ARFGEF3: variants seen among roughly 807,000 people sequenced by gnomAD.
The protein encoded by ARFGEF3 is brefeldin A-inhibited guanine nucleotide-exchange protein 3.
Under a neutral mutation model 221.7 loss-of-function variants are expected in ARFGEF3, and 96 were observed. That is an observed-to-expected ratio of 0.43 (90% CI 0.37 to 0.51). The LOEUF (loss-of-function observed/expected upper bound fraction) is 0.51, where lower values mean the gene tolerates loss of function less well. ARFGEF3 is among the 20% of genes least tolerant of loss of function. ARFGEF3 has a pLI of 0.00. For missense variants in ARFGEF3, 2,410 were observed against 2,789.9 expected (o/e 0.86, Z 3.07); for synonymous variants, 1,145 against 1,126.8 (o/e 1.02, Z -0.32).
intron 13 of ARFGEF3, 128 bp downstream of exon 13, chr6:138,278,745 GC>G: frequency 1.1e-6 from 1 of 941,282 alleles, no homozygotes; most frequent in Non-Finnish European, 1.6e-6. Context: ...GGTTGGTAAT[GC>G]CAGTGGGACT....
At chr6:138,244,026 TA>T (rs1198479008) in intron 7 of ARFGEF3, among the ~76,000 whole-genome samples, 2 of 151,988 alleles carry the variant, frequency 1.3e-5, no homozygotes, top group Non-Finnish European at 2.9e-5. Flanking sequence ...TTTTATAAAC[TA>T]AAAAAAGGGG....
At chr6:138,236,275 G>A (rs992995757) in intron 5 of ARFGEF3, among the ~76,000 whole-genome samples, 4 of 152,072 alleles carry the variant, frequency 2.6e-5, no homozygotes, top group Non-Finnish European at 4.4e-5. Context: ...ATTTAAAATG[G>A]CAGAGCTTAT....
chr6:138,179,681 A>T (rs1408768208), intron 2 of ARFGEF3, among the ~76,000 whole-genome samples: 1 of 152,200 alleles, frequency 6.6e-6, no homozygotes, highest in Non-Finnish European at 1.5e-5. Flanking sequence ...ACCATCCATA[A>T]CAGCTTCCCA....
chr6:138,251,294 C>CAG (rs1778578126), intron 8 of ARFGEF3, among the ~76,000 whole-genome samples: 4 of 152,124 alleles, frequency 2.6e-5, no homozygotes, highest in Non-Finnish European at 5.9e-5. Context: ...TTTTGTGATG[C>CAG]TAGACTGACA....
chr6:138,327,864 C>T (rs1217363691), intron 31 of ARFGEF3, among the ~76,000 whole-genome samples, 157 bp from the exon 32 acceptor site: 3 of 152,164 alleles, frequency 2.0e-5, no homozygotes, highest in African/African-American at 7.2e-5. Context: ...GTAATACACA[C>T]ATATCAATTA....
At chr6:138,190,677 G>A (rs1267450547) in intron 2 of ARFGEF3, among the ~76,000 whole-genome samples, 1 of 152,206 alleles carries the variant, frequency 6.6e-6, no homozygotes, top group East Asian at 1.9e-4. Flanking sequence ...TTATAGCTGA[G>A]TGTGCGATTC....
At chr6:138,252,651 A>C (rs1483982940) in intron 8 of ARFGEF3, among the ~76,000 whole-genome samples, 1 of 152,206 alleles carries the variant, frequency 6.6e-6, no homozygotes, top group Non-Finnish European at 1.5e-5. Context: ...TGAACTGTTA[A>C]AGACACTAGA....
intron 2 of ARFGEF3, among the ~76,000 whole-genome samples, chr6:138,206,304 C>T (rs1423407951): frequency 6.8e-6 from 1 of 147,950 alleles, no homozygotes. Context: ...TTTTAATGCC[C>T]TTGTTTTCCC....
rs1780455975 is a variant in ARFGEF3, at chr6:138,342,969, A to T, written c.*6483A>T. 1 of 152,204 alleles carries T rather than the reference A, an allele frequency of 6.6e-6. No individual in the cohort carries two copies. Among genetic ancestry groups the T allele is most frequent in the Admixed American group, 6.5e-5 (1 of 15,274 alleles). The allele number at this position is 152,204 out of a possible 1,614,324, so 9.4% of individuals were successfully genotyped here. On this transcript the variant is annotated 3_prime_UTR_variant, in exon 34 of 34. Coordinates refer to ENST00000251691, the MANE Select transcript of ARFGEF3 (RefSeq NM_020340.5). ...GCCTGTTTTTGACTTTTCAGTAAAT[A>T]TGTTGTTTGTGCACATATCTACATG...
At chr6:138,244,799 C>T (rs1180019961) in intron 7 of ARFGEF3, among the ~76,000 whole-genome samples, 1 of 152,094 alleles carries the variant, frequency 6.6e-6, no homozygotes, top group African/African-American at 2.4e-5. Flanking sequence ...TCTGTGATAC[C>T]ATTCTAAACA....
chr6:138,257,481 C>T (rs77296140), intron 10 of ARFGEF3, among the ~76,000 whole-genome samples: 4,150 of 152,272 alleles, frequency 0.027, 74 homozygotes, highest in Non-Finnish European at 0.043. Flanking sequence ...GATGTTCCTC[C>T]TCATAGAAGT....
At position 138,268,365 on chromosome 6, in the gene ARFGEF3, T is replaced by C. The variant is rs1778935496; in HGVS notation, c.2128+4754T>C. Among the ~76,000 whole-genome samples, 3 of 152,228 alleles carry C rather than the reference T, an allele frequency of 2.0e-5. No homozygotes were observed. In the South Asian group the frequency reaches 6.2e-4, roughly 32 times the overall value. ...AAAAGCTTCAAACCTCACTTTGTCA[T>C]AAACGTCCATCAAGCCTTCATCCCT... On this transcript the variant is annotated intron_variant, in intron 12 of 33. Coordinates refer to ENST00000251691, the MANE Select transcript of ARFGEF3 (RefSeq NM_020340.5).
At chr6:138,335,560 A>G (rs75865592) in intron 33 of ARFGEF3, among the ~76,000 whole-genome samples, 1 of 151,008 alleles carries the variant, frequency 6.6e-6, no homozygotes, top group Non-Finnish European at 1.5e-5. Flanking sequence ...AAAAAAAAAA[A>G]TTAGCTGGGA....
chr6:138,324,064 C>T lies in ARFGEF3; in HGVS notation c.4911C>T (p.Ser1637=), dbSNP rs753970337. The T allele has an allele frequency of 1.7e-5, 27 of 1,613,762 alleles. No individual in the cohort carries two copies. Among genetic ancestry groups the T allele is most frequent in the African/African-American group, 2.7e-5 (2 of 74,920 alleles). Reference sequence around the variant, plus strand: ...TCCACAGCGGCACGGAGAGCTTCAGCGGGGAAGGCTGCCAGGTGCGAGTGG... The same window carrying T: ...TCCACAGCGGCACGGAGAGCTTCAGTGGGGAAGGCTGCCAGGTGCGAGTGG... The part of the protein sequence containing the change: ...GCFHSGTESF[S]GEGCQVRVAA... The change falls in exon 31 of 34, where the codon AGC becomes AGT. Residue 1637 remains serine (S), a synonymous_variant. Transcript: ENST00000251691.
intron 4 of ARFGEF3, among the ~76,000 whole-genome samples, chr6:138,212,697 T>TA (rs1777754527): frequency 1.3e-5 from 2 of 152,056 alleles, no homozygotes; most frequent in Admixed American, 1.3e-4. Flanking sequence ...TATGCAGCCA[T>TA]AAAAAAGGAT....
chr6:138,292,715 C>T (rs2114638304), intron 19 of ARFGEF3, among the ~76,000 whole-genome samples: 1 of 152,298 alleles, frequency 6.6e-6, no homozygotes, highest in African/African-American at 2.4e-5. Flanking sequence ...AGGAGCACTC[C>T]CTGGGCCAGG....
Position 138,298,590 on chromosome 6 carries a change from C to T in ARFGEF3, c.3649-16C>T, listed in dbSNP as rs1779565272. The T allele has an allele frequency of 1.9e-6, 3 of 1,606,680 alleles. No homozygotes were observed. Among genetic ancestry groups the T allele is most frequent in the Admixed American group, 1.7e-5 (1 of 59,364 alleles). Reference sequence around the variant, plus strand: ...TGCTGTCCTGATGGTGAGCCACTCTCTCGTGAATTTTGCAGGCTGCTTGCC... The same window carrying T: ...TGCTGTCCTGATGGTGAGCCACTCTTTCGTGAATTTTGCAGGCTGCTTGCC... On this transcript the variant is annotated splice_polypyrimidine_tract_variant and intron_variant, in intron 21 of 33. Transcript: ENST00000251691.
chr6:138,166,424 A>G (rs1344874690), intron 1 of ARFGEF3, among the ~76,000 whole-genome samples: 1 of 152,190 alleles, frequency 6.6e-6, no homozygotes, highest in Admixed American at 6.5e-5. Flanking sequence ...TGTGTTTTTT[A>G]ACTTTAGCAT....
chr6:138,205,596 G>A (rs988531987), intron 2 of ARFGEF3, among the ~76,000 whole-genome samples: 3 of 152,188 alleles, frequency 2.0e-5, no homozygotes, highest in Non-Finnish European at 4.4e-5. Context: ...GTGCACTACA[G>A]TGTTTGCCTT....
Sources: allele counts gnomAD v4.1 joint callset (sites outside exome capture counted in the v4.1 genomes callset), GRCh38; gene constraint gnomAD v4.1.1; transcripts MANE v1.5; gene names NCBI Gene and HGNC (gene_info 2026-07-23, HGNC 2026-07-21).